Variants in MAGI2 observed in about 807,000 individuals in gnomAD.
MAGI2 encodes membrane-associated guanylate kinase, WW and PDZ domain-containing protein 2.
A neutral mutation model predicts 133.3 loss-of-function variants in MAGI2; 35 were observed. That is an observed-to-expected ratio of 0.26 (90% CI 0.20 to 0.35). The LOEUF (loss-of-function observed/expected upper bound fraction) is 0.35, where lower values mean the gene tolerates loss of function less well. MAGI2 is among the 10% of genes least tolerant of loss of function. MAGI2 has a pLI of 1.00. For synonymous variants in MAGI2, 729 were observed against 710.6 expected (o/e 1.03, Z -0.41); for missense variants, 1,636 against 1,863.4 (o/e 0.88, Z 2.25).
At chr7:79,257,388 G>T (rs560861962) in intron 1 of MAGI2, among the ~76,000 whole-genome samples, 3 of 152,098 alleles carry the variant, frequency 2.0e-5, no homozygotes, top group African/African-American at 7.2e-5. Flanking sequence ...AAAAAAAATT[G>T]TATTTTGATT....
intron 4 of MAGI2, among the ~76,000 whole-genome samples, chr7:78,517,338 C>A (rs1292716658): frequency 6.6e-6 from 1 of 152,104 alleles, no homozygotes; most frequent in Non-Finnish European, 1.5e-5. Flanking sequence ...ATCCTCTAAG[C>A]TGCAGGATTG....
intron 1 of MAGI2, among the ~76,000 whole-genome samples, chr7:79,126,755 G>T (rs568212183): frequency 2.0e-5 from 3 of 151,646 alleles, no homozygotes; most frequent in Non-Finnish European, 2.9e-5. Context: ...CATTTACAAT[G>T]TCCCCCAGAC....
At chr7:78,877,864 A>G (rs1387101860) in intron 2 of MAGI2, among the ~76,000 whole-genome samples, 1 of 152,172 alleles carries the variant, frequency 6.6e-6, no homozygotes, top group African/African-American at 2.4e-5. Context: ...AGCTTTTTTG[A>G]GCTGACTTGC....
At chr7:78,055,669 T>G (rs1433479100) in intron 21 of MAGI2, among the ~76,000 whole-genome samples, 1 of 151,980 alleles carries the variant, frequency 6.6e-6, no homozygotes, top group Non-Finnish European at 1.5e-5. Flanking sequence ...CCAAAATCAA[T>G]CAGGGGCAGG....
intron 16 of MAGI2, among the ~76,000 whole-genome samples, chr7:78,137,340 G>A (rs1822259927): frequency 6.6e-6 from 1 of 152,164 alleles, no homozygotes; most frequent in Non-Finnish European, 1.5e-5. Context: ...TAATAGCATT[G>A]ACTTCACAGA....
chr7:78,378,420 T>C (rs950982220), intron 6 of MAGI2, among the ~76,000 whole-genome samples: 3 of 151,930 alleles, frequency 2.0e-5, no homozygotes, highest in Non-Finnish European at 2.9e-5. Flanking sequence ...GCCGGAAAAA[T>C]TGTCCCCAGT....
chr7:78,547,217 T>C (rs1417626276), intron 3 of MAGI2, among the ~76,000 whole-genome samples: 1 of 152,144 alleles, frequency 6.6e-6, no homozygotes, highest in Non-Finnish European at 1.5e-5. Context: ...TTGAAATAAA[T>C]GTGAACTATA....
intron 6 of MAGI2, among the ~76,000 whole-genome samples, chr7:78,388,421 G>A (rs1031518212): frequency 6.6e-6 from 1 of 152,154 alleles, no homozygotes; most frequent in Admixed American, 6.6e-5. Context: ...AAAATCACTA[G>A]TGTATGTGTC....
intron 1 of MAGI2, among the ~76,000 whole-genome samples, chr7:79,093,486 A>C (rs1817244803): frequency 6.6e-6 from 1 of 152,140 alleles, no homozygotes; most frequent in Non-Finnish European, 1.5e-5. Context: ...TAGTTTATTA[A>C]GTGTGCAATA....
intron 2 of MAGI2, among the ~76,000 whole-genome samples, chr7:78,843,916 C>T: frequency 6.7e-6 from 1 of 149,688 alleles, no homozygotes. Context: ...GGCAGCTTTC[C>T]TTACAATTCA....
chr7:79,328,002 C>T (rs937244775), intron 1 of MAGI2, among the ~76,000 whole-genome samples: 3 of 152,072 alleles, frequency 2.0e-5, no homozygotes, highest in African/African-American at 7.2e-5. Context: ...TATATCATAA[C>T]TTATTTAACT....
At chr7:79,223,416 C>T (rs752204471) in intron 1 of MAGI2, among the ~76,000 whole-genome samples, 89 of 151,966 alleles carry the variant, frequency 5.9e-4, no homozygotes, top group Non-Finnish European at 7.8e-4. Context: ...GGGAAACTAG[C>T]TGCAGTGAGG....
chr7:78,859,105 C>T (rs1412175767), intron 2 of MAGI2, among the ~76,000 whole-genome samples: 1 of 152,038 alleles, frequency 6.6e-6, no homozygotes, highest in African/African-American at 2.4e-5. Context: ...GATCTTCCTC[C>T]ATCCCTTTAT....
intron 3 of MAGI2, among the ~76,000 whole-genome samples, chr7:78,594,955 A>T (rs1804441534): frequency 6.6e-6 from 1 of 152,210 alleles, no homozygotes; most frequent in African/African-American, 2.4e-5. Flanking sequence ...ATGTCTTTAG[A>T]TGAATGCCCG....
At chr7:78,063,015 GC>G (rs1468305911) in intron 21 of MAGI2, among the ~76,000 whole-genome samples, 2 of 152,084 alleles carry the variant, frequency 1.3e-5, no homozygotes, top group Non-Finnish European at 2.9e-5. Flanking sequence ...ACCCCAATGT[GC>G]TATTTCCACC....
intron 1 of MAGI2, among the ~76,000 whole-genome samples, chr7:79,373,579 C>T (rs1295050734): frequency 2.0e-5 from 3 of 151,910 alleles, no homozygotes; most frequent in African/African-American, 7.3e-5. Context: ...TATTATTCCA[C>T]ATTTAAATGA....
At chr7:79,162,216 T>C (rs1364008987) in intron 1 of MAGI2, among the ~76,000 whole-genome samples, 1 of 152,072 alleles carries the variant, frequency 6.6e-6, no homozygotes, top group East Asian at 1.9e-4. Context: ...ATCATATTTT[T>C]ACTTGGTGGC....
intron 2 of MAGI2, among the ~76,000 whole-genome samples, chr7:78,800,983 A>G (rs1192891037): frequency 6.6e-6 from 1 of 152,198 alleles, no homozygotes; most frequent in Non-Finnish European, 1.5e-5. Context: ...ACGTAATTTC[A>G]TAGAAACCAG....
intron 2 of MAGI2, among the ~76,000 whole-genome samples, chr7:78,877,643 G>A (rs1473775270): frequency 6.6e-6 from 1 of 152,136 alleles, no homozygotes; most frequent in East Asian, 1.9e-4. Flanking sequence ...TTGTACTAGG[G>A]AAGCTTAGGA....
Sources: allele counts gnomAD v4.1 joint callset (sites outside exome capture counted in the v4.1 genomes callset), GRCh38; gene constraint gnomAD v4.1.1; transcripts MANE v1.5; gene names NCBI Gene and HGNC (gene_info 2026-07-23, HGNC 2026-07-21).